The following RBFOX1 variants were observed in gnomAD, a reference collection of about 807,000 sequenced individuals.
The protein encoded by RBFOX1 is RNA binding protein fox-1 homolog 1.
A neutral mutation model predicts 57.7 loss-of-function variants in RBFOX1; 8 were observed. The ratio of observed to expected loss-of-function variants is 0.14; its 90% CI spans 0.08 to 0.25. The LOEUF is 0.25. Ranked by LOEUF, RBFOX1 falls within the 10% of genes least tolerant of loss-of-function variation. RBFOX1 has a pLI of 1.00. For missense variants in RBFOX1, 611 were observed against 548.5 expected (o/e 1.11, Z -1.14); for synonymous variants, 326 against 222.4 (o/e 1.47, Z -4.15).
intron 3 of RBFOX1, among the ~76,000 whole-genome samples, chr16:5,694,970 T>A (rs942363616): frequency 6.6e-6 from 1 of 151,564 alleles, no homozygotes; most frequent in East Asian, 2.0e-4. Flanking sequence ...AGAAAGGAGG[T>A]TGGATTAAAG....
intron 1 of RBFOX1, among the ~76,000 whole-genome samples, chr16:5,257,152 AG>A (rs1434793108): frequency 3.8e-5 from 5 of 132,374 alleles, no homozygotes; most frequent in African/African-American, 1.2e-4. Context: ...AAAAAAACCA[AG>A]AAACAAACAA....
intron 3 of RBFOX1, among the ~76,000 whole-genome samples, chr16:5,667,648 A>AT (rs1366933654): frequency 2.0e-5 from 3 of 151,822 alleles, no homozygotes; most frequent in Non-Finnish European, 4.4e-5. Context: ...GGATTTTCTT[A>AT]TTTTTCTGAT....
chr16:5,939,693 C>T (rs1352360257), intron 4 of RBFOX1, among the ~76,000 whole-genome samples: 1 of 151,908 alleles, frequency 6.6e-6, no homozygotes, highest in African/African-American at 2.4e-5. Flanking sequence ...GGTGGTGGCT[C>T]CATTTTTTAA....
intron 2 of RBFOX1, among the ~76,000 whole-genome samples, chr16:5,594,178 T>G (rs1253058298): frequency 6.6e-6 from 1 of 152,166 alleles, no homozygotes; most frequent in Non-Finnish European, 1.5e-5. Context: ...TTGGCCATGG[T>G]CTTGGCCTTC....
At chr16:7,692,572 G>T (rs1055968906) in intron 14 of RBFOX1, among the ~76,000 whole-genome samples, 2 of 152,040 alleles carry the variant, frequency 1.3e-5, no homozygotes, top group African/African-American at 2.4e-5. Flanking sequence ...ACCTCATTGT[G>T]CCATTTTTAT....
chr16:5,345,678 C>T (rs2065124194), intron 1 of RBFOX1, among the ~76,000 whole-genome samples: 1 of 152,164 alleles, frequency 6.6e-6, no homozygotes, highest in Admixed American at 6.5e-5. Context: ...TGAGCAGAAG[C>T]CATCTCTTTC....
At chr16:6,092,881 T>G (rs2152535980) in intron 1 of RBFOX1, 1 of 152,316 alleles carries the variant, frequency 6.6e-6, no homozygotes, top group Non-Finnish European at 1.5e-5. Flanking sequence ...GGCTCTTTTT[T>G]GGTTCTATAT....
chr16:7,649,174 G>A (rs928308779), intron 11 of RBFOX1, among the ~76,000 whole-genome samples: 2 of 152,030 alleles, frequency 1.3e-5, no homozygotes, highest in South Asian at 4.1e-4. Context: ...AGTAAGAGGA[G>A]GAGCATGTCC....
chr16:5,427,163 T>A (rs1035163056), intron 1 of RBFOX1, among the ~76,000 whole-genome samples: 1 of 152,220 alleles, frequency 6.6e-6, no homozygotes, highest in Admixed American at 6.5e-5. Context: ...GTTGGAGCCC[T>A]TGAGTGGGCT....
chr16:5,745,239 A>T (rs1172243962), intron 3 of RBFOX1, among the ~76,000 whole-genome samples: 1 of 152,156 alleles, frequency 6.6e-6, no homozygotes, highest in Non-Finnish European at 1.5e-5. Context: ...GATGGTTTCC[A>T]GCTTCATCCA....
chr16:6,235,553 T>A (rs1329557581), intron 1 of RBFOX1, among the ~76,000 whole-genome samples: 1 of 86,500 alleles, frequency 1.2e-5, no homozygotes, highest in Non-Finnish European at 2.5e-5. Flanking sequence ...TGTGTGCGTG[T>A]ATGTATGTGT....
In RBFOX1 at chr16:6,157,012, T is replaced by G. The variant is rs186343148; in HGVS notation, c.-127+137020T>G. ...GCAGTGACTAATTGTTTTTCGCATT[T>G]TTTTGTAGAGATGGGGTCTTGCTAT... On this transcript the variant is annotated intron_variant, in intron 1 of 15. Coordinates refer to ENST00000550418, the MANE Select transcript of RBFOX1 (RefSeq NM_018723.4). Among the ~76,000 whole-genome samples, 270 of 152,080 alleles carry G rather than the reference T, an allele frequency of 1.8e-3. 1 individual carries two copies. Among genetic ancestry groups the G allele is most frequent in the African/African-American group, 5.9e-3 (246 of 41,484 alleles).
At chr16:6,677,494 C>T (rs536460146) in intron 3 of RBFOX1, among the ~76,000 whole-genome samples, 1 of 152,242 alleles carries the variant, frequency 6.6e-6, no homozygotes, top group South Asian at 2.1e-4. Flanking sequence ...TTTTAAACAT[C>T]CAGCCTAAAT....
chr16:6,764,079 C>G (rs571499934), intron 3 of RBFOX1, among the ~76,000 whole-genome samples: 22 of 152,152 alleles, frequency 1.4e-4, no homozygotes, highest in African/African-American at 4.3e-4. Flanking sequence ...TCACTCATAA[C>G]GTGATCTTAA....
intron 9 of RBFOX1, among the ~76,000 whole-genome samples, chr16:7,604,932 C>T (rs1054047516): frequency 2.0e-5 from 3 of 152,082 alleles, no homozygotes; most frequent in Admixed American, 2.0e-4. Flanking sequence ...GTAGGAGCAT[C>T]AGTAGAGTAT....
At chr16:6,816,866 T>C (rs1022859422) in intron 3 of RBFOX1, among the ~76,000 whole-genome samples, 3 of 152,020 alleles carry the variant, frequency 2.0e-5, no homozygotes, top group Non-Finnish European at 4.4e-5. Context: ...CACTTCACCC[T>C]CCCAAGTAGT....
intron 2 of RBFOX1, among the ~76,000 whole-genome samples, chr16:5,536,585 T>C (rs1004599037): frequency 2.0e-5 from 3 of 151,928 alleles, no homozygotes; most frequent in Admixed American, 6.6e-5. Flanking sequence ...ACTGAGACAA[T>C]GAGTGTTTCC....
intron 1 of RBFOX1, among the ~76,000 whole-genome samples, chr16:5,426,538 C>T (rs1290879608): frequency 7.2e-5 from 11 of 152,198 alleles, no homozygotes; most frequent in Admixed American, 6.5e-4. Flanking sequence ...AGGGATGCCA[C>T]AGACTGTGCA....
chr16:7,144,488 C>A (rs1005031036), intron 4 of RBFOX1, among the ~76,000 whole-genome samples: 5 of 135,980 alleles, frequency 3.7e-5, no homozygotes, highest in Non-Finnish European at 6.1e-5. Flanking sequence ...GTGGCACACA[C>A]ACAGCAGCTC....
Sources: allele counts gnomAD v4.1 joint callset (sites outside exome capture counted in the v4.1 genomes callset), GRCh38; gene constraint gnomAD v4.1.1; transcripts MANE v1.5; gene names NCBI Gene and HGNC (gene_info 2026-07-23, HGNC 2026-07-21).